RABAC1: variants seen among roughly 807,000 people sequenced by gnomAD.
RABAC1 encodes prenylated Rab acceptor protein 1.
In RABAC1, 16 loss-of-function variants were observed where a neutral mutation model predicts 22.9. The observed-to-expected ratio is 0.70, with a 90% CI of 0.47 to 1.06. RABAC1 has a LOEUF of 1.06. RABAC1 is among the 50% of genes least tolerant of loss of function. The probability of loss-of-function intolerance (pLI) is 0.00; values close to 1 mark genes in which losing one functional copy is unlikely to be tolerated. For synonymous variants in RABAC1, 139 were observed against 107.7 expected (o/e 1.29, Z -1.80); for missense variants, 227 against 246.5 (o/e 0.92, Z 0.53).
At chr19:41,958,239 C>T in intron 3 of RABAC1, 47 bp downstream of exon 3, 1 of 1,547,708 alleles carries the variant, frequency 6.5e-7, no homozygotes, top group South Asian at 1.2e-5. Flanking sequence ...TTCCAAAAGA[C>T]CAAGATTTGA....
At chr19:41,959,093 C>T in intron 1 of RABAC1, 144 bp downstream of exon 1, 1 of 1,348,358 alleles carries the variant, frequency 7.4e-7, no homozygotes, top group Non-Finnish European at 1.0e-6. Flanking sequence ...GGCCCAGACT[C>T]CAGGGTCCCA....
chr19:41,958,746 G>C lies in RABAC1; in HGVS notation c.259C>G (p.Leu87Val), dbSNP rs200212534. Residue 87 changes from leucine (L) to valine (V), a missense_variant, in exon 2 of 5, where the codon CTG becomes GTG. By Grantham distance (32) the Leu-to-Val change is conservative. Coordinates refer to ENST00000222008, the MANE Select transcript of RABAC1 (RefSeq NM_006423.3). ...NYVFVFLGLILYCVVTSPMLL... is the reference protein window; with the variant it reads ...NYVFVFLGLIVYCVVTSPMLL... ...CCGGGAGGCACTCACACACAGTACA[G>C]GATGAGGCCCAGGAACACGAACACA... The C allele has an allele frequency of 1.7e-5, 27 of 1,612,590 alleles. No individual in the cohort carries two copies. The highest frequency in any genetic ancestry group is 2.2e-5 in the Non-Finnish European group (26 of 1,179,584).
intron 2 of RABAC1, 94 bp downstream of exon 2, chr19:41,958,642 A>G: frequency 7.4e-7 from 1 of 1,355,012 alleles, no homozygotes; most frequent in Non-Finnish European, 1.0e-6. Flanking sequence ...CGGTGAGAGG[A>G]GGGACCGGGC....
At chr19:41,959,184 G>A (rs990047669) in intron 1 of RABAC1, 53 bp downstream of exon 1, 2 of 1,609,346 alleles carry the variant, frequency 1.2e-6, no homozygotes, top group Middle Eastern at 1.7e-4. Flanking sequence ...GAGGGGGCCG[G>A]GGGCCCGGAC....
At chr19:41,958,533 G>A (rs1484075180) in intron 2 of RABAC1, 150 bp from the exon 3 acceptor site, 1 of 922,798 alleles carries the variant, frequency 1.1e-6, no homozygotes, top group Non-Finnish European at 1.7e-6. Context: ...CCTGGCCAGG[G>A]TGATGGTGGG....
chr19:41,957,186 G>A, intron 3 of RABAC1, 67 bp from the exon 4 acceptor site: 3 of 1,325,754 alleles, frequency 2.3e-6, no homozygotes, highest in Non-Finnish European at 3.2e-6. Flanking sequence ...AACCCCTGCT[G>A]CCCCCCAACA....
Position 41,959,276 on chromosome 19 carries a change from T to G in RABAC1, c.17A>C (p.Asp6Ala), listed in dbSNP as rs2075005219. The change falls in exon 1 of 5, where the codon GAC becomes GCC. Residue 6 changes from aspartate (D) to alanine (A), a missense_variant. Coordinates refer to ENST00000222008, the MANE Select transcript of RABAC1 (RefSeq NM_006423.3). ...TTCCGCCTCGGCATCTTTCTGCTGG[T>G]CCTTCTGCGCTGCCATGTCTGCGTC... is the stretch of plus-strand genomic sequence containing the variant. MAAQKDQQKDAEAEGL... is the reference protein window; with the variant it reads MAAQKAQQKDAEAEGL... The G allele has an allele frequency of 6.2e-7, 1 of 1,613,668 alleles. No homozygotes were observed.
Position 41,957,097 on chromosome 19 carries a change from A to G in RABAC1, c.390T>C (p.His130=), listed in dbSNP as rs782273273. ...AGATGCCTCCAGCCAGAGCATACTG[A>G]TGCGCTGGGCTCACCTCTCGGCCTG... ...VLFGREVSPA[H]QYALAGGISF... Residue 130 remains histidine (H), a synonymous_variant, in exon 4 of 5, where the codon CAT becomes CAC. Transcript: ENST00000222008. 9 of 1,613,736 alleles carry G rather than the reference A, an allele frequency of 5.6e-6. No homozygotes were observed. The South Asian group carries it at 7.7e-5, about 14-fold the overall frequency.
intron 2 of RABAC1, 134 bp downstream of exon 2, chr19:41,958,602 G>T: frequency 9.4e-7 from 1 of 1,060,294 alleles, no homozygotes. Context: ...CTTGGGGGCG[G>T]GGCCTGGGCG....
At chr19:41,958,978 GA>G (rs2075003326) in intron 1 of RABAC1, 30 bp from the exon 2 acceptor site, 2 of 1,527,278 alleles carry the variant, frequency 1.3e-6, no homozygotes, top group East Asian at 4.8e-5. Flanking sequence ...GTCAGTGGTG[GA>G]CCGGGATGGA....
In RABAC1 at chr19:41,958,396, T is replaced by C. The variant is rs1325429401; in HGVS notation, c.270-13A>G. 1.1e-5 allele frequency: 17 copies of C among 1,608,930 alleles called. No individual in the cohort carries two copies. The highest frequency in any genetic ancestry group is 1.4e-5 in the Non-Finnish European group (17 of 1,177,096). The stretch of plus-strand genomic sequence containing the variant: ...AGGGGACGTCACCCTGGAGGAGGAG[T>C]GCAGGGAGGCAGCGGTTAGACAGCT... On this transcript the variant is annotated splice_polypyrimidine_tract_variant and intron_variant, in intron 2 of 4. Transcript: ENST00000222008.
chr19:41,959,182 CG>C, intron 1 of RABAC1, 54 bp downstream of exon 1: 3 of 1,607,812 alleles, frequency 1.9e-6, no homozygotes, highest in Non-Finnish European at 2.5e-6. Flanking sequence ...AGGAGGGGGC[CG>C]GGGGCCCGGA....
chr19:41,959,200 GGT>G (rs2075004664), intron 1 of RABAC1, 35 bp downstream of exon 1: 2 of 1,612,298 alleles, frequency 1.2e-6, no homozygotes, highest in Non-Finnish European at 1.7e-6. Context: ...CGGACTCCCG[GGT>G]CTCTGGTCCG....
At position 41,958,874 on chromosome 19, in the gene RABAC1, G is replaced by A; in HGVS notation, c.131C>T (p.Pro44Leu). ...WLERRRATIR[P>L]WSTFVDQQRF... ...CTGCTGGTCCACGAAGGTGCTCCAG[G>A]GCCGGATGGTCGCGCGGCGCCGCTC... The change falls in exon 2 of 5, where the codon CCC (proline) becomes CTC (leucine). Residue 44 changes from proline (P) to leucine (L), a missense_variant. Transcript: ENST00000222008. 1.2e-6 allele frequency: 2 copies of A among 1,603,800 alleles called. No individual in the cohort carries two copies. The highest frequency in any genetic ancestry group is 1.1e-5 in the South Asian group (1 of 90,676).
In RABAC1 at chr19:41,957,070, G is replaced by A. The variant is rs1156714428; in HGVS notation, c.417C>T (p.Ser139=). ...CACCAGCCAGCCAGAAGAAGGGGAA[G>A]GAGATGCCTCCAGCCAGAGCATACT... ...AHQYALAGGI[S]FPFFWLAGAG... The change falls in exon 4 of 5, where the codon TCC becomes TCT. Residue 139 remains serine, a synonymous_variant. Transcript: ENST00000222008. 11 of 1,613,754 alleles carry A rather than the reference G, an allele frequency of 6.8e-6. No homozygotes were observed. In the Admixed American group the frequency reaches 1.8e-4, roughly 27 times the overall value.
chr19:41,959,055 C>G (rs1398053544), intron 1 of RABAC1, 107 bp from the exon 2 acceptor site: 1 of 1,358,026 alleles, frequency 7.4e-7, no homozygotes, highest in African/African-American at 1.5e-5. Context: ...CCCCAGATTC[C>G]TGTACAGCAG....
At chr19:41,958,084 CAATT>C in intron 3 of RABAC1, 198 bp downstream of exon 3, 2 of 553,254 alleles carry the variant, frequency 3.6e-6, no homozygotes, top group Non-Finnish European at 6.6e-6. Context: ...TGAGGAATAG[CAATT>C]TGAGGGGGCT....
rs539469186 is a variant in RABAC1, at chr19:41,958,407, A to G, written c.270-24T>C. Reference sequence around the variant, plus strand: ...CCCTGGAGGAGGAGTGCAGGGAGGCAGCGGTTAGACAGCTGGGGCTGGGCC... The same window carrying G: ...CCCTGGAGGAGGAGTGCAGGGAGGCGGCGGTTAGACAGCTGGGGCTGGGCC... On this transcript the variant is annotated intron_variant, in intron 2 of 4. Coordinates refer to ENST00000222008, the MANE Select transcript of RABAC1 (RefSeq NM_006423.3). 8.1e-6 allele frequency: 13 copies of G among 1,602,130 alleles called. No homozygotes were observed. The East Asian group carries it at 2.7e-4, about 33-fold the overall frequency.
intron 1 of RABAC1, 96 bp from the exon 2 acceptor site, chr19:41,959,044 A>G: frequency 1.5e-6 from 2 of 1,377,398 alleles, no homozygotes; most frequent in Admixed American, 2.4e-5. Flanking sequence ...CCCTCCCGGG[A>G]CCCCAGATTC....
Sources: allele counts gnomAD v4.1 joint callset, GRCh38; gene constraint gnomAD v4.1.1; transcripts MANE v1.5; gene names NCBI Gene and HGNC (gene_info 2026-07-23, HGNC 2026-07-21).